Variants in SLIT2 observed in about 807,000 individuals in gnomAD.
SLIT2 encodes slit homolog 2 protein.
Under a neutral mutation model 185.7 loss-of-function variants are expected in SLIT2, and 41 were observed. The observed-to-expected ratio is 0.22, with a 90% CI of 0.17 to 0.29. The LOEUF is 0.29. SLIT2 is among the 10% of genes least tolerant of loss of function. The pLI, the probability that SLIT2 is intolerant of heterozygous loss-of-function variation, is 1.00. For missense variants in SLIT2, 1,571 were observed against 1,909.0 expected, an observed-to-expected ratio of 0.82 and a Z score of 3.30; for synonymous variants, 693 against 680.2, an observed-to-expected ratio of 1.02 and a Z score of -0.29.
chr4:20,473,243 C>G (rs965534180), intron 5 of SLIT2, among the ~76,000 whole-genome samples: 1 of 144,290 alleles, frequency 6.9e-6, no homozygotes, highest in Non-Finnish European at 1.5e-5. Flanking sequence ...ATTCCATTAA[C>G]CCTATGTCTG....
rs1223218384 is a variant in SLIT2, at chr4:20,270,672, G to A, written c.395+1791G>A. ...TAACAGCTAAAGCAGTGTTTGTTAG[G>A]TGGAGCTAGTTACAAGAGGGATGTG... On this transcript the variant is annotated intron_variant, in intron 4 of 36. Transcript: ENST00000504154. Among the ~76,000 whole-genome samples, 3 of 152,038 alleles carry A rather than the reference G, an allele frequency of 2.0e-5. No individual in the cohort carries two copies. In the Middle Eastern group the frequency reaches 0.01, roughly 517 times the overall value.
Position 20,268,968 on chromosome 4 carries a change from C to G in SLIT2, c.395+87C>G, listed in dbSNP as rs138909525. On this transcript the variant is annotated intron_variant, in intron 4 of 36. Coordinates refer to ENST00000504154, the MANE Select transcript of SLIT2 (RefSeq NM_004787.4). The stretch of plus-strand genomic sequence containing the variant: ...TTTGGATCTGTTTGTGTGTGCTTTC[C>G]TGGAATCTGTTCATCAATAGATTAA... 20 of 832,566 alleles carry G rather than the reference C, an allele frequency of 2.4e-5. No individual in the cohort carries two copies. The East Asian group carries it at 4.9e-4, about 20-fold the overall frequency. The allele number at this position is 832,566 out of a possible 1,614,324, so 51.6% of individuals were successfully genotyped here. A position where few individuals can be genotyped will look rare whatever the true frequency, so the allele number is the denominator to read the frequency against.
At chr4:20,294,760 C>T (rs530461109) in intron 4 of SLIT2, among the ~76,000 whole-genome samples, 1 of 152,062 alleles carries the variant, frequency 6.6e-6, no homozygotes, top group African/African-American at 2.4e-5. Context: ...AGGTAGATAG[C>T]CATGGTTGGA....
At chr4:20,611,272 A>G (rs1184695112) in intron 34 of SLIT2, among the ~76,000 whole-genome samples, 1 of 152,218 alleles carries the variant, frequency 6.6e-6, no homozygotes, top group Non-Finnish European at 1.5e-5. Flanking sequence ...CTCTAAGCCT[A>G]GGACATTTCT....
At position 20,489,370 on chromosome 4, in the gene SLIT2, A is replaced by G. The variant is rs533540399; in HGVS notation, c.775+388A>G. Among the ~76,000 whole-genome samples the G allele has an allele frequency of 5.9e-5, 9 of 152,358 alleles. No homozygotes were observed. The East Asian group carries it at 1.4e-3, about 23-fold the overall frequency. ...TCCCTGCTATGAAATTCAAAGAGCA[A>G]TTCAGCCATAGTTGCAAAGTAACAA... On this transcript the variant is annotated intron_variant, in intron 8 of 36. Coordinates refer to ENST00000504154, the MANE Select transcript of SLIT2 (RefSeq NM_004787.4).
At chr4:20,292,114 A>G (rs1487496937) in intron 4 of SLIT2, among the ~76,000 whole-genome samples, 2 of 152,166 alleles carry the variant, frequency 1.3e-5, no homozygotes, top group South Asian at 2.1e-4. Context: ...TTGTTAGCCA[A>G]TTCTCCTTTC....
At chr4:20,291,447 C>CTTATATATATAT (rs1445810616) in intron 4 of SLIT2, among the ~76,000 whole-genome samples, 2 of 50,260 alleles carry the variant, frequency 4.0e-5, no homozygotes, top group African/African-American at 1.5e-4. Context: ...TAAGAAACCT[C>CTTATATATATAT]ATATATATAT....
chr4:20,391,761 A>T (rs1725434767), intron 4 of SLIT2, among the ~76,000 whole-genome samples: 1 of 152,072 alleles, frequency 6.6e-6, no homozygotes, highest in Non-Finnish European at 1.5e-5. Context: ...TCTGAATGAG[A>T]TTATTTAAAA....
intron 12 of SLIT2, among the ~76,000 whole-genome samples, chr4:20,519,859 C>T (rs562865735): frequency 1.3e-5 from 2 of 151,578 alleles, no homozygotes; most frequent in African/African-American, 2.4e-5. Flanking sequence ...GGTGAAACCC[C>T]ATCTCTACTA....
intron 4 of SLIT2, among the ~76,000 whole-genome samples, chr4:20,434,035 A>C (rs1008390772): frequency 6.6e-6 from 1 of 152,308 alleles, no homozygotes; most frequent in African/African-American, 2.4e-5. Flanking sequence ...CTTTAGGATA[A>C]AGCTTTGTGT....
intron 31 of SLIT2, 74 bp downstream of exon 31, chr4:20,595,908 T>G: frequency 7.9e-7 from 1 of 1,263,680 alleles, no homozygotes; most frequent in Non-Finnish European, 1.1e-6. Flanking sequence ...TCAGTAATAG[T>G]GTAATCGTAC....
At chr4:20,542,338 T>TA (rs1722868502) in intron 20 of SLIT2, among the ~76,000 whole-genome samples, 156 bp from the exon 21 acceptor site, 1 of 152,212 alleles carries the variant, frequency 6.6e-6, no homozygotes, top group Non-Finnish European at 1.5e-5. Context: ...ATATAGAACT[T>TA]ACGGTATCAA....
intron 26 of SLIT2, among the ~76,000 whole-genome samples, chr4:20,563,805 A>G (rs1007821695): frequency 4.6e-5 from 7 of 151,862 alleles, no homozygotes; most frequent in Non-Finnish European, 1.5e-5. Context: ...AAGTCTAAGA[A>G]AGAGTGTCAG....
At chr4:20,367,884 TA>T (rs1560358961) in intron 4 of SLIT2, among the ~76,000 whole-genome samples, 1 of 152,118 alleles carries the variant, frequency 6.6e-6, no homozygotes, top group African/African-American at 2.4e-5. Context: ...AGTCCATTCT[TA>T]CAGGGGTAAT....
intron 4 of SLIT2, among the ~76,000 whole-genome samples, chr4:20,387,403 C>CAA (rs35431648): frequency 6.7e-6 from 1 of 149,118 alleles, no homozygotes; most frequent in African/African-American, 2.5e-5. Flanking sequence ...ATTATGTTCT[C>CAA]AAAAAAAAAC....
At chr4:20,481,060 AAATATTGAGATAAAATC>A in intron 6 of SLIT2, among the ~76,000 whole-genome samples, 1 of 152,104 alleles carries the variant, frequency 6.6e-6, no homozygotes, top group South Asian at 2.1e-4. Flanking sequence ...TGTCATTGCT[AAATATTGAGATAAAATC>A]AACTTTATAG....
chr4:20,532,051 C>T lies in SLIT2; in HGVS notation c.1681C>T (p.Arg561Cys), dbSNP rs756812021. The change falls in exon 17 of 37, where the codon CGT (arginine) becomes TGT (cysteine). Residue 561 changes from arginine (R) to cysteine (C), a missense_variant. Transcript: ENST00000504154. Reference protein sequence around the residue: ...TGIFKKLPQLRKINFSNNKIT... With the variant: ...TGIFKKLPQLCKINFSNNKIT... The stretch of plus-strand genomic sequence containing the variant: ...AATCTTTAAGAAACTTCCTCAATTA[C>T]GTAAAATGTAAGTCACTTGTTAGCT... 1.4e-5 allele frequency: 22 copies of T among 1,554,754 alleles called. No homozygotes were observed. The highest frequency in any genetic ancestry group is 1.9e-5 in the Non-Finnish European group (22 of 1,151,662).
chr4:20,499,265 G>T (rs141938541), intron 9 of SLIT2, among the ~76,000 whole-genome samples: 47 of 152,192 alleles, frequency 3.1e-4, no homozygotes, highest in African/African-American at 1.0e-3. Flanking sequence ...AGAGTTCCTT[G>T]TAGATTCTGG....
intron 34 of SLIT2, 57 bp from the exon 35 acceptor site, chr4:20,616,853 G>C (rs367970487): frequency 4.2e-5 from 64 of 1,518,924 alleles, no homozygotes; most frequent in Non-Finnish European, 5.5e-5. Context: ...TTTCTGAGTA[G>C]CAAATGGCTC....
Sources: gnomAD v4.1 joint callset for allele counts (sites outside exome capture counted in the v4.1 genomes callset) on GRCh38, gnomAD v4.1.1 for gene constraint, MANE v1.5 for transcripts, NCBI Gene and HGNC (gene_info 2026-07-23, HGNC 2026-07-21) for gene names.